The following LARP1B variants were observed in gnomAD, a reference collection of about 807,000 sequenced individuals.
The protein encoded by LARP1B is la-related protein 1B.
In LARP1B, 76 loss-of-function variants were observed where a neutral mutation model predicts 114.2. The ratio of observed to expected loss-of-function variants is 0.67; its 90% CI spans 0.55 to 0.81. LARP1B has a LOEUF of 0.81. LARP1B is among the 30% of genes least tolerant of loss of function. The probability of loss-of-function intolerance (pLI) is 0.00; values close to 1 mark genes in which losing one functional copy is unlikely to be tolerated. For synonymous variants in LARP1B, 345 were observed against 348.0 expected, an observed-to-expected ratio of 0.99 and a Z score of 0.10; for missense variants, 1,014 against 1,075.8, an observed-to-expected ratio of 0.94 and a Z score of 0.80.
chr4:128,190,571 T>C (rs1168772239), intron 15 of LARP1B, among the ~76,000 whole-genome samples: 1 of 152,154 alleles, frequency 6.6e-6, no homozygotes, highest in African/African-American at 2.4e-5. Context: ...GTTCTTGTGA[T>C]AGTGAGTGAG....
At position 128,206,491 on chromosome 4, in the gene LARP1B, A is replaced by G. The variant is rs1757628870; in HGVS notation, c.2373A>G (p.Glu791=). The change falls in exon 18 of 20, where the codon GAA becomes GAG. Residue 791 remains glutamate (E), a synonymous_variant. Transcript: ENST00000326639. ...SYGLEKKFRR[E]IFQDFQEETK... is the part of the protein sequence containing the mutation. ...GACTGGAAAAAAAATTCAGGCGAGA[A>G]ATTTTTCAGGATTTCCAAGAAGAAA... 6.2e-7 allele frequency: 1 copy of G among 1,613,586 alleles called. No homozygotes were observed. The highest frequency in any genetic ancestry group is 2.2e-5 in the East Asian group (1 of 44,830).
At chr4:128,147,353 C>T (rs1730786479) in intron 11 of LARP1B, among the ~76,000 whole-genome samples, 1 of 152,136 alleles carries the variant, frequency 6.6e-6, no homozygotes, top group African/African-American at 2.4e-5. Flanking sequence ...GAAAAATTTG[C>T]TCTTTTATAC....
chr4:128,155,863 G>A (rs1735355361), intron 11 of LARP1B: 34 of 1,559,288 alleles, frequency 2.2e-5, no homozygotes, highest in Non-Finnish European at 3.0e-5. Flanking sequence ...GAAGCAGAAG[G>A]AGCGCCTGGA....
chr4:128,179,497 G>A lies in LARP1B; in HGVS notation c.1988G>A (p.Gly663Glu), dbSNP rs913423507. Residue 663 changes from glycine (G) to glutamate (E), a missense_variant, in exon 15 of 20, where the codon GGA becomes GAA. Gly to Glu is a moderately conservative substitution (Grantham distance 98). Transcript: ENST00000326639. The part of the protein sequence containing the change: ...WVMDSRDRGP[G>E]TSSVSTSNAS... ...ATGGATTCCAGAGACCGTGGGCCAG[G>A]AACATCCTCTGTCAGGTACTATATT... The A allele has an allele frequency of 3.8e-6, 6 of 1,597,196 alleles. No individual in the cohort carries two copies. In the Admixed American group the frequency reaches 5.2e-5, roughly 14 times the overall value.
In LARP1B at chr4:128,211,114, AAAT is replaced by A. The variant is rs1758904159; in HGVS notation, c.*1064_*1066del. 3 of 903,184 alleles carry A rather than the reference AAAT, an allele frequency of 3.3e-6. No individual in the cohort carries two copies. Among genetic ancestry groups the A allele is most frequent in the Non-Finnish European group, 4.0e-6 (3 of 755,334 alleles). 55.9% of individuals were successfully genotyped at this position (903,184 alleles called of 1,614,324 possible). ...GTTTCAGTTTTTGTGAGATTTAAAAAAATAAAGCACTTATTCTGAATTTTTTGA... is the reference window on the plus strand; with the variant it reads ...GTTTCAGTTTTTGTGAGATTTAAAAAAAAGCACTTATTCTGAATTTTTTGA... On this transcript the variant is annotated 3_prime_UTR_variant, in exon 20 of 20. Transcript: ENST00000326639.
At chr4:128,066,165 C>CTTTTTTTTTTTTTTTTTTTTTTTTT (rs59927866) in intron 1 of LARP1B, among the ~76,000 whole-genome samples, 6 of 99,190 alleles carry the variant, frequency 6.0e-5, no homozygotes, top group Non-Finnish European at 9.4e-5. Flanking sequence ...TTTCTTTCTT[C>CTTTTTTTTTTTTTTTTTTTTTTTTT]TTTTTTTTTT....
chr4:128,181,842 G>C lies in LARP1B; in HGVS notation c.2003+2330G>C, dbSNP rs1581370271. Reference sequence around the variant, plus strand: ...TTTTTTTGAGACGAAGTCTCGCTCTGTCGCCCAGGCTGGAGTGCAGGGGTG... The same window carrying C: ...TTTTTTTGAGACGAAGTCTCGCTCTCTCGCCCAGGCTGGAGTGCAGGGGTG... On this transcript the variant is annotated intron_variant, in intron 15 of 19. Transcript: ENST00000326639. Among the ~76,000 whole-genome samples, 4 of 117,210 alleles carry C rather than the reference G, an allele frequency of 3.4e-5. No individual in the cohort carries two copies. The Admixed American group carries it at 3.6e-4, about 10-fold the overall frequency. The allele number at this position is 117,210 out of a possible 152,430, so 76.9% of individuals were successfully genotyped here.
intron 11 of LARP1B, chr4:128,155,792 C>T (rs570538498): frequency 1.3e-6 from 2 of 1,588,584 alleles, no homozygotes; most frequent in Non-Finnish European, 1.7e-6. Flanking sequence ...TTCCTGCAGG[C>T]GGAGACTGAT....
At chr4:128,071,118 C>T (rs1765145625) in intron 1 of LARP1B, among the ~76,000 whole-genome samples, 1 of 152,018 alleles carries the variant, frequency 6.6e-6, no homozygotes, top group African/African-American at 2.4e-5. Flanking sequence ...GTGATCTTGG[C>T]TCACTGCAAG....
At chr4:128,102,247 A>C (rs969610564) in intron 8 of LARP1B, among the ~76,000 whole-genome samples, 2 of 152,230 alleles carry the variant, frequency 1.3e-5, no homozygotes, top group African/African-American at 4.8e-5. Context: ...TAGTGTTAAC[A>C]TATCAAGATC....
intron 15 of LARP1B, among the ~76,000 whole-genome samples, chr4:128,190,379 T>C (rs1197232472): frequency 6.6e-6 from 1 of 152,216 alleles, no homozygotes; most frequent in Admixed American, 6.5e-5. Flanking sequence ...CTCTTTGTCC[T>C]TGACATTTTC....
intron 11 of LARP1B, among the ~76,000 whole-genome samples, chr4:128,152,419 G>C (rs537670153): frequency 1.8e-4 from 27 of 151,964 alleles, no homozygotes; most frequent in African/African-American, 6.3e-4. Flanking sequence ...GGCCAGGATG[G>C]TCTCGAACTC....
intron 4 of LARP1B, among the ~76,000 whole-genome samples, chr4:128,081,821 G>A (rs555496719): frequency 2.0e-5 from 3 of 152,298 alleles, no homozygotes; most frequent in Admixed American, 1.3e-4. Context: ...TGCAAGCTCC[G>A]CTTCCCAGGC....
intron 15 of LARP1B, among the ~76,000 whole-genome samples, chr4:128,198,328 T>TTGTGA (rs1300141676): frequency 1.3e-5 from 2 of 152,240 alleles, no homozygotes; most frequent in African/African-American, 2.4e-5. Context: ...ATTCACATTG[T>TTGTGA]TGTGAAACAG....
chr4:128,078,147 G>A (rs1396703655), intron 4 of LARP1B, among the ~76,000 whole-genome samples, 185 bp downstream of exon 4: 1 of 152,052 alleles, frequency 6.6e-6, no homozygotes, highest in Admixed American at 6.6e-5. Context: ...TTTCCTTTTT[G>A]TATGTAACTT....
intron 10 of LARP1B, among the ~76,000 whole-genome samples, chr4:128,115,587 T>C (rs1335758016): frequency 6.6e-6 from 1 of 152,186 alleles, no homozygotes; most frequent in Non-Finnish European, 1.5e-5. Context: ...AAGAATTTTG[T>C]CTTGGTTTTT....
At chr4:128,082,426 C>A (rs146297242) in intron 5 of LARP1B, 121 bp downstream of exon 5, 2 of 760,994 alleles carry the variant, frequency 2.6e-6, no homozygotes, top group African/African-American at 1.8e-5. Context: ...TCCCTTTAAC[C>A]CCAAATACCT....
At chr4:128,065,336 CTTTCTTTTCT>C (rs70966072) in intron 1 of LARP1B, among the ~76,000 whole-genome samples, 3,096 of 107,998 alleles carry the variant, frequency 0.029, 131 homozygotes, top group Admixed American at 0.069. Context: ...TCTCTCTTTC[CTTTCTTTTCT>C]TTTCTTTTCT....
chr4:128,067,618 G>A lies in LARP1B; in HGVS notation c.-78+6217G>A, dbSNP rs190108698. On this transcript the variant is annotated intron_variant, in intron 1 of 19. Coordinates refer to ENST00000326639, the MANE Select transcript of LARP1B (RefSeq NM_018078.4). ...TCAGCCAAAGTTGCTGCCCACCCAA[G>A]AGGCCTTTTATCTTGAAATTTAGTC... is the stretch of plus-strand genomic sequence containing the variant. Among the ~76,000 whole-genome samples, 413 of 152,172 alleles carry A rather than the reference G, an allele frequency of 2.7e-3. 4 individuals carry two copies. The highest frequency in any genetic ancestry group is 1.0e-3 in the South Asian group (5 of 4,820).
Sources: gnomAD v4.1 joint callset for allele counts (sites outside exome capture counted in the v4.1 genomes callset) on GRCh38, gnomAD v4.1.1 for gene constraint, MANE v1.5 for transcripts, NCBI Gene and HGNC (gene_info 2026-07-23, HGNC 2026-07-21) for gene names.